Variants in MYLK4 observed in about 807,000 individuals in gnomAD.
The protein encoded by MYLK4 is myosin light chain kinase family member 4.
Under a neutral mutation model 48.1 loss-of-function variants are expected in MYLK4, and 46 were observed. The observed-to-expected ratio is 0.96, with a 90% CI of 0.75 to 1.22. The LOEUF (loss-of-function observed/expected upper bound fraction) is 1.22, where lower values mean the gene tolerates loss of function less well. Among genes scored for constraint, MYLK4 ranks in the 50% most tolerant of loss-of-function variants. The probability of loss-of-function intolerance (pLI) is 0.00; values close to 1 mark genes in which losing one functional copy is unlikely to be tolerated. For synonymous variants in MYLK4, 170 were observed against 180.8 expected (o/e 0.94, Z 0.48); for missense variants, 451 against 486.1 (o/e 0.93, Z 0.68).
At chr6:2,765,156 C>A in the MYLK4 span, among the ~76,000 whole-genome samples, 4 of 150,114 alleles carry the variant, frequency 2.7e-5, no homozygotes, top group Non-Finnish European at 5.9e-5. Flanking sequence ...CGCAACCTCG[C>A]GCACGCGCAC....
chr6:2,765,650 C>T, the MYLK4 span: 19 of 1,545,964 alleles, frequency 1.2e-5, no homozygotes, highest in Admixed American at 5.4e-5. Context: ...GGAAGACGAC[C>T]CCTTCCTTTC....
the MYLK4 span, among the ~76,000 whole-genome samples, chr6:2,759,156 C>T: frequency 6.6e-6 from 1 of 152,230 alleles, no homozygotes; most frequent in Admixed American, 6.5e-5. Context: ...TACTCTGTCA[C>T]CCAGGCTGGA....
chr6:2,763,664 A>G, the MYLK4 span, among the ~76,000 whole-genome samples: 4 of 152,146 alleles, frequency 2.6e-5, no homozygotes, highest in South Asian at 8.3e-4. Context: ...ATACTTCCCC[A>G]CAAGCTGAGG....
intron 2 of MYLK4, among the ~76,000 whole-genome samples, chr6:2,732,214 T>C (rs1763502069): frequency 6.6e-6 from 1 of 152,206 alleles, no homozygotes; most frequent in Non-Finnish European, 1.5e-5. Context: ...TTAATAATGA[T>C]TTTAGCTACC....
At chr6:2,746,885 C>A (rs538617719) in intron 2 of MYLK4, among the ~76,000 whole-genome samples, 38 of 152,344 alleles carry the variant, frequency 2.5e-4, no homozygotes, top group African/African-American at 8.7e-4. Context: ...CTCCACCCAC[C>A]CGCTGCCAAG....
At position 2,667,115 on chromosome 6, in the gene MYLK4, T is replaced by C. The variant is rs9501868; in HGVS notation, c.*810A>G. 0.38 allele frequency: 57,833 copies of C among 152,066 alleles called. 11,282 individuals carry two copies. Among genetic ancestry groups the C allele is most frequent in the Non-Finnish European group, 0.4 (27,429 of 67,986 alleles). 9.4% of individuals were successfully genotyped at this position (152,066 alleles called of 1,614,324 possible). ...ACCTGTTGTGACTGTTGACATTATT[T>C]CAAAGGTCAGAATTTCAAAGTCCAA... On this transcript the variant is annotated 3_prime_UTR_variant, in exon 13 of 13. Coordinates refer to ENST00000274643, the MANE Select transcript of MYLK4 (RefSeq NM_001012418.5).
Position 2,749,423 on chromosome 6 carries a change from C to T in MYLK4, c.-112-17G>A. On this transcript the variant is annotated splice_polypyrimidine_tract_variant and intron_variant, in intron 1 of 12. Coordinates refer to ENST00000274643, the MANE Select transcript of MYLK4 (RefSeq NM_001012418.5). ...TTCTCTTGACTGCAAAGAAAGGAAA[C>T]ACAAAAAGTTCTCATCACGTATTCA... 1.4e-6 allele frequency: 1 copy of T among 718,628 alleles called. No individual in the cohort carries two copies. The highest frequency in any genetic ancestry group is 2.2e-6 in the Non-Finnish European group (1 of 446,746). The allele number at this position is 718,628 out of a possible 1,614,324, so 44.5% of individuals were successfully genotyped here.
At chr6:2,671,749 G>A (rs1427387766) in intron 11 of MYLK4, among the ~76,000 whole-genome samples, 3 of 152,226 alleles carry the variant, frequency 2.0e-5, no homozygotes, top group Admixed American at 2.0e-4. Context: ...TTTTCAAATT[G>A]AGTAGACAAC....
At position 2,685,289 on chromosome 6, in the gene MYLK4, T is replaced by C. The variant is rs1009680629; in HGVS notation, c.545+7A>G. The C allele has an allele frequency of 6.2e-7, 1 of 1,601,804 alleles. No homozygotes were observed. Among genetic ancestry groups the C allele is most frequent in the Non-Finnish European group, 8.5e-7 (1 of 1,170,332 alleles). On this transcript the variant is annotated splice_region_variant and intron_variant, in intron 6 of 12. Transcript: ENST00000274643. This position sits in a 1 kb window ranked among gnomAD's most constrained non-coding sequence, Gnocchi z 4.5. ...GAGGTCAGGGAGGGGGCGGAGGGGA[T>C]ACGTACTACTCCATGACCAGGACAA...
At chr6:2,767,463 C>T in the MYLK4 span, among the ~76,000 whole-genome samples, 1 of 152,198 alleles carries the variant, frequency 6.6e-6, no homozygotes, top group African/African-American at 2.4e-5. Flanking sequence ...TTAAGCACAC[C>T]CCCTTTAACT....
intron 2 of MYLK4, among the ~76,000 whole-genome samples, chr6:2,719,549 G>C (rs1330078053): frequency 1.3e-5 from 2 of 152,114 alleles, no homozygotes; most frequent in Non-Finnish European, 2.9e-5. Context: ...GAAAATGTGT[G>C]GCATTTTATA....
chr6:2,762,568 A>C, the MYLK4 span, among the ~76,000 whole-genome samples: 16,621 of 152,310 alleles, frequency 0.11, 964 homozygotes, highest in South Asian at 0.18. Context: ...CTTTTCTTGA[A>C]AACCTTGCTT....
the MYLK4 span, among the ~76,000 whole-genome samples, chr6:2,764,662 C>T: frequency 6.6e-6 from 1 of 152,208 alleles, no homozygotes; most frequent in African/African-American, 2.4e-5. Flanking sequence ...CGTAATTGCA[C>T]ACGGGCGCCT....
At chr6:2,694,612 T>C (rs1033070416) in intron 2 of MYLK4, among the ~76,000 whole-genome samples, 2 of 120,504 alleles carry the variant, frequency 1.7e-5, no homozygotes, top group African/African-American at 5.4e-5. Context: ...GTGATGATTG[T>C]AGTGGTGATG....
the MYLK4 span, among the ~76,000 whole-genome samples, chr6:2,759,709 C>G: frequency 1.3e-5 from 2 of 152,112 alleles, no homozygotes; most frequent in Admixed American, 6.5e-5. Flanking sequence ...AAAAAATAAA[C>G]CTTTCCCCTC....
chr6:2,699,872 A>T, intron 2 of MYLK4, among the ~76,000 whole-genome samples: 1 of 152,188 alleles, frequency 6.6e-6, no homozygotes, highest in South Asian at 2.1e-4. Context: ...ATGGGGGTCC[A>T]GGCTGTGGGT....
chr6:2,705,927 A>T (rs1762470208), intron 2 of MYLK4, among the ~76,000 whole-genome samples: 1 of 152,188 alleles, frequency 6.6e-6, no homozygotes, highest in Non-Finnish European at 1.5e-5. Flanking sequence ...GGGAAAAAAA[A>T]AAAAAACCTT....
chr6:2,723,945 C>T (rs1346120112), intron 2 of MYLK4, among the ~76,000 whole-genome samples: 1 of 152,068 alleles, frequency 6.6e-6, no homozygotes, highest in East Asian at 1.9e-4. Context: ...GGCGTGATCT[C>T]GGCTCACGGC....
At chr6:2,764,205 C>T in the MYLK4 span, among the ~76,000 whole-genome samples, 4 of 152,204 alleles carry the variant, frequency 2.6e-5, no homozygotes, top group South Asian at 2.1e-4. Flanking sequence ...ACTTGTTTCT[C>T]TAGCGTTTCT....
Sources: gnomAD v4.1 joint callset for allele counts (sites outside exome capture counted in the v4.1 genomes callset) on GRCh38, gnomAD v4.1.1 for gene constraint, Gnocchi (gnomAD v3.1) non-coding constraint, MANE v1.5 for transcripts, NCBI Gene and HGNC (gene_info 2026-07-23, HGNC 2026-07-21) for gene names.